Variants in SH3GL1 observed in about 807,000 individuals in gnomAD.
SH3GL1 encodes the protein SH3 domain containing GRB2 like 1, endophilin A2, also known as endophilin-A2.
In SH3GL1, 21 loss-of-function variants were observed where a neutral mutation model predicts 48.8. That is an observed-to-expected ratio of 0.43 (90% CI 0.30 to 0.62). SH3GL1 has a LOEUF of 0.62. Ranked by LOEUF, SH3GL1 falls within the 20% of genes least tolerant of loss-of-function variation. The pLI is 0.11. For synonymous variants in SH3GL1, 282 were observed against 217.5 expected (o/e 1.30, Z -2.61); for missense variants, 454 against 503.0 (o/e 0.90, Z 0.93).
At position 4,400,038 on chromosome 19, in the gene SH3GL1, T is replaced by G. The variant is rs1973494260; in HGVS notation, c.45+286A>C. Among the ~76,000 whole-genome samples the G allele has an allele frequency of 6.6e-6, 1 of 152,066 alleles. No individual in the cohort carries two copies. Among genetic ancestry groups the G allele is most frequent in the African/African-American group, 2.4e-5 (1 of 41,440 alleles). Reference sequence around the variant, plus strand: ...CCCCTTCTCTCCCCGCACCCCGCCTTTGCAGCGGAGAGAAGGAGGGGAGAG... The same window carrying G: ...CCCCTTCTCTCCCCGCACCCCGCCTGTGCAGCGGAGAGAAGGAGGGGAGAG... On this transcript the variant is annotated intron_variant, in intron 1 of 9. Coordinates refer to ENST00000269886, the MANE Select transcript of SH3GL1 (RefSeq NM_003025.4). This position sits in a 1 kb window ranked among gnomAD's most constrained non-coding sequence, Gnocchi z 4.1.
intron 1 of SH3GL1, among the ~76,000 whole-genome samples, chr19:4,392,915 T>C (rs985191072): frequency 6.6e-6 from 1 of 151,658 alleles, no homozygotes; most frequent in African/African-American, 2.4e-5. Flanking sequence ...CACACCACCT[T>C]GGGAGTGGGG....
At position 4,376,822 on chromosome 19, in the gene SH3GL1, C is replaced by T. The variant is rs1033268620; in HGVS notation, c.46-9828G>A. 2.8e-4 allele frequency among the ~76,000 whole-genome samples: 43 copies of T among 152,106 alleles called. No homozygotes were observed. Among genetic ancestry groups the T allele is most frequent in the African/African-American group, 8.2e-4 (34 of 41,408 alleles). On this transcript the variant is annotated intron_variant, in intron 1 of 9. Transcript: ENST00000269886. The surrounding 1 kb of genome is among the most constrained non-coding windows in gnomAD (Gnocchi z 4.3). ...CGCATTCCTCTTGCTTGCTTGTTTT[C>T]GGGTCCCCTGCTGTCCCGTCTCAGA...
intron 4 of SH3GL1, 133 bp from the exon 5 acceptor site, chr19:4,364,354 C>G (rs1214161918): frequency 8.4e-7 from 1 of 1,188,060 alleles, no homozygotes; most frequent in Admixed American, 1.9e-5. Flanking sequence ...TCACTGCAGG[C>G]CTCAAACTGG....
At chr19:4,397,446 G>A (rs1162013835) in intron 1 of SH3GL1, among the ~76,000 whole-genome samples, 4 of 152,250 alleles carry the variant, frequency 2.6e-5, no homozygotes, top group African/African-American at 9.6e-5. Context: ...CGGCACAAGA[G>A]GCCTGGTTCA....
At chr19:4,386,179 G>A (rs981511760) in intron 1 of SH3GL1, among the ~76,000 whole-genome samples, 3 of 152,178 alleles carry the variant, frequency 2.0e-5, no homozygotes, top group Non-Finnish European at 2.9e-5. Flanking sequence ...TCAAACAATC[G>A]GGACTCTGAT....
chr19:4,377,808 G>A (rs1973040254), intron 1 of SH3GL1, among the ~76,000 whole-genome samples: 2 of 152,214 alleles, frequency 1.3e-5, no homozygotes, highest in Admixed American at 1.3e-4. Context: ...TGCTGACCAC[G>A]GCCTCAGCAC....
At chr19:4,374,085 T>C (rs993045261) in intron 1 of SH3GL1, among the ~76,000 whole-genome samples, 2 of 152,234 alleles carry the variant, frequency 1.3e-5, no homozygotes, top group African/African-American at 4.8e-5. Flanking sequence ...CGATGTCATT[T>C]GAAGTCACAG....
At chr19:4,393,656 GGTATGTGCCTGTAA>G (rs1973376489) in intron 1 of SH3GL1, among the ~76,000 whole-genome samples, 1 of 151,898 alleles carries the variant, frequency 6.6e-6, no homozygotes, top group African/African-American at 2.4e-5. Context: ...TGGGCGTGGT[GGTATGTGCCTGTAA>G]TCCCAGCTAC....
intron 1 of SH3GL1, among the ~76,000 whole-genome samples, chr19:4,368,209 G>A (rs1465540285): frequency 6.6e-6 from 1 of 152,208 alleles, no homozygotes; most frequent in Non-Finnish European, 1.5e-5. Context: ...GCCCCGAGCT[G>A]TCACAAGACG....
intron 8 of SH3GL1, 52 bp downstream of exon 8, chr19:4,362,560 C>T: frequency 1.2e-6 from 2 of 1,610,246 alleles, no homozygotes; most frequent in South Asian, 2.2e-5. Flanking sequence ...AGCCCTTGGC[C>T]ACTCCCACCC....
chr19:4,376,565 C>T lies in SH3GL1; in HGVS notation c.46-9571G>A, dbSNP rs990561857. ...GGTCTCCTCACCTTCTCCCAACACA[C>T]CACTGATGCCTCCTCTCTCGTGCGC... On this transcript the variant is annotated intron_variant, in intron 1 of 9. Coordinates refer to ENST00000269886, the MANE Select transcript of SH3GL1 (RefSeq NM_003025.4). The surrounding 1 kb of genome is among the most constrained non-coding windows in gnomAD (Gnocchi z 4.3). Among the ~76,000 whole-genome samples, 1 of 152,162 alleles carries T rather than the reference C, an allele frequency of 6.6e-6. No individual in the cohort carries two copies. The highest frequency in any genetic ancestry group is 1.5e-5 in the Non-Finnish European group (1 of 68,034).
chr19:4,377,546 G>A (rs1973033868), intron 1 of SH3GL1, among the ~76,000 whole-genome samples: 1 of 152,230 alleles, frequency 6.6e-6, no homozygotes, highest in Non-Finnish European at 1.5e-5. Flanking sequence ...AAGTCATCCC[G>A]GGTGGCACGG....
chr19:4,364,280 A>G, intron 4 of SH3GL1, 59 bp from the exon 5 acceptor site: 2 of 1,597,686 alleles, frequency 1.3e-6, no homozygotes, highest in Non-Finnish European at 1.7e-6. Flanking sequence ...AGACTGAGAC[A>G]CTCCTCAGCC....
chr19:4,370,872 T>C (rs1390060731), intron 1 of SH3GL1, among the ~76,000 whole-genome samples: 3 of 152,260 alleles, frequency 2.0e-5, no homozygotes, highest in Non-Finnish European at 2.9e-5. Context: ...GATCCCACTG[T>C]TGCCTGCCGG....
chr19:4,374,718 G>C (rs931898219), intron 1 of SH3GL1, among the ~76,000 whole-genome samples: 1 of 152,190 alleles, frequency 6.6e-6, no homozygotes, highest in Non-Finnish European at 1.5e-5. Flanking sequence ...CTCCCCTGCT[G>C]TCCCCCTTGG....
At chr19:4,397,156 A>C (rs1198466549) in intron 1 of SH3GL1, among the ~76,000 whole-genome samples, 1 of 152,212 alleles carries the variant, frequency 6.6e-6, no homozygotes, top group Non-Finnish European at 1.5e-5. Flanking sequence ...AACAGCTGAG[A>C]TGTCAGAGGG....
At chr19:4,371,501 TCGGGCTTGGTGCCCCA>T (rs1659996207) in intron 1 of SH3GL1, among the ~76,000 whole-genome samples, 1 of 152,224 alleles carries the variant, frequency 6.6e-6, no homozygotes, top group Admixed American at 6.5e-5. Flanking sequence ...AATGCCCGTC[TCGGGCTTGGTGCCCCA>T]GCAGACTATC....
chr19:4,390,324 C>G (rs1973312499), intron 1 of SH3GL1: 1 of 152,336 alleles, frequency 6.6e-6, no homozygotes. Context: ...AGCTGCAGTG[C>G]TCAGGAAAAG....
intron 1 of SH3GL1, among the ~76,000 whole-genome samples, chr19:4,385,434 C>G (rs1973218164): frequency 6.6e-6 from 1 of 152,198 alleles, no homozygotes; most frequent in Non-Finnish European, 1.5e-5. Flanking sequence ...GGCAACCTCT[C>G]CTGGAAGGAG....
Sources: allele counts gnomAD v4.1 joint callset (sites outside exome capture counted in the v4.1 genomes callset), GRCh38; gene constraint gnomAD v4.1.1; non-coding constraint Gnocchi (gnomAD v3.1); transcripts MANE v1.5; gene names NCBI Gene and HGNC (gene_info 2026-07-23, HGNC 2026-07-21).